CCDC80: variants seen among roughly 807,000 people sequenced by gnomAD.
CCDC80 encodes the protein coiled-coil domain-containing protein 80.
A neutral mutation model predicts 78.7 loss-of-function variants in CCDC80; 49 were observed. That is an observed-to-expected ratio of 0.62 (90% CI 0.50 to 0.79). The LOEUF (loss-of-function observed/expected upper bound fraction) is 0.79. Among genes scored for constraint, CCDC80 ranks in the 30% least tolerant of loss-of-function variants. The pLI, the probability that CCDC80 is intolerant of heterozygous loss-of-function variation, is 0.00. For synonymous variants in CCDC80, 488 were observed against 447.0 expected (o/e 1.09, Z -1.16); for missense variants, 1,205 against 1,198.6 (o/e 1.01, Z -0.08).
chr3:112,602,520 A>C lies in CCDC80; in HGVS notation c.*2897T>G, dbSNP rs1461977008. Reference sequence around the variant, plus strand: ...AATGCAAAGGAAAAGTTCTTGAAGGAAATTAAAAGTGCTACTTTGTGAATG... The same window carrying C: ...AATGCAAAGGAAAAGTTCTTGAAGGCAATTAAAAGTGCTACTTTGTGAATG... On this transcript the variant is annotated 3_prime_UTR_variant, in exon 8 of 8. Coordinates refer to ENST00000206423, the MANE Select transcript of CCDC80 (RefSeq NM_199511.3). The C allele has an allele frequency of 1.3e-5, 2 of 152,242 alleles. No homozygotes were observed. Among genetic ancestry groups the C allele is most frequent in the Non-Finnish European group, 2.9e-5 (2 of 68,044 alleles). The allele number at this position is 152,242 out of a possible 1,614,324, so 9.4% of individuals were successfully genotyped here. A position where few individuals can be genotyped will look rare whatever the true frequency, so the allele number is the denominator to read the frequency against.
At chr3:112,606,555 A>G (rs1437805129) in intron 7 of CCDC80, among the ~76,000 whole-genome samples, 1 of 152,200 alleles carries the variant, frequency 6.6e-6, no homozygotes, top group Non-Finnish European at 1.5e-5. Flanking sequence ...CCTCCCAGGT[A>G]GCTGGGACTA....
intron 5 of CCDC80, among the ~76,000 whole-genome samples, chr3:112,610,704 G>A (rs938834264): frequency 3.6e-5 from 4 of 111,518 alleles, no homozygotes; most frequent in African/African-American, 2.6e-4. Context: ...ATTAATAAGC[G>A]CCAATGCTTA....
intron 5 of CCDC80, 116 bp from the exon 6 acceptor site, chr3:112,610,197 A>AG (rs1214073036): frequency 2.5e-6 from 2 of 797,142 alleles, no homozygotes; most frequent in Non-Finnish European, 4.2e-6. Context: ...AAAAAAAAAA[A>AG]GAAAAAAACA....
intron 5 of CCDC80, among the ~76,000 whole-genome samples, chr3:112,611,104 G>A (rs527691829): frequency 3.3e-5 from 5 of 151,978 alleles, no homozygotes; most frequent in East Asian, 1.9e-4. Flanking sequence ...TAGTAGAGAC[G>A]GGGTTTCACT....
At chr3:112,623,793 C>A (rs182095748) in intron 3 of CCDC80, among the ~76,000 whole-genome samples, 26 of 152,152 alleles carry the variant, frequency 1.7e-4, no homozygotes, top group Non-Finnish European at 3.8e-4. Flanking sequence ...TAGAAATGTG[C>A]CCTCTCTTCC....
intron 3 of CCDC80, among the ~76,000 whole-genome samples, chr3:112,622,440 G>C (rs1451543410): frequency 6.6e-6 from 1 of 152,180 alleles, no homozygotes; most frequent in Non-Finnish European, 1.5e-5. Flanking sequence ...CAGTATGTGT[G>C]AAGCTACATC....
Position 112,601,705 on chromosome 3 carries a change from AAAG to A in CCDC80, c.*3709_*3711del, listed in dbSNP as rs1223766257. On this transcript the variant is annotated 3_prime_UTR_variant, in exon 8 of 8. Transcript: ENST00000206423. ...AAAAAGAAAAAAAAAAAGAGAAAAA[AAAG>A]AAGCAGCAGCAACGAAAGGAGGGAG... 1 of 116,154 alleles carries A rather than the reference AAAG, an allele frequency of 8.6e-6. No individual in the cohort carries two copies. Among genetic ancestry groups the A allele is most frequent in the African/African-American group, 3.4e-5 (1 of 29,174 alleles). 7.2% of individuals were successfully genotyped at this position (116,154 alleles called of 1,614,324 possible).
At chr3:112,610,206 C>G (rs1352703541) in intron 5 of CCDC80, 125 bp from the exon 6 acceptor site, 1 of 766,434 alleles carries the variant, frequency 1.3e-6, no homozygotes, top group African/African-American at 1.7e-5. Context: ...AAGAAAAAAA[C>G]AGAGAACTGT....
At position 112,638,685 on chromosome 3, in the gene CCDC80, T is replaced by G; in HGVS notation, c.1221A>C (p.Arg407Ser). The change falls in exon 2 of 8, where the codon AGA (arginine) becomes AGC (serine). Residue 407 changes from arginine to serine, a missense_variant. Physicochemically the swap from Arg to Ser is moderately radical, Grantham distance 110. Coordinates refer to ENST00000206423, the MANE Select transcript of CCDC80 (RefSeq NM_199511.3). The part of the protein sequence containing the change: ...PTTTEVITAR[R>S]PSVSENLYPP... ...GGTAAAGATTCTCTGAAACTGAGGG[T>G]CTCCTGGCAGTGATCACCTCAGTGG... 1.2e-6 allele frequency: 2 copies of G among 1,613,610 alleles called. No homozygotes were observed. Among genetic ancestry groups the G allele is most frequent in the Non-Finnish European group, 1.7e-6 (2 of 1,179,880 alleles).
chr3:112,607,893 G>A (rs569558594), intron 6 of CCDC80, among the ~76,000 whole-genome samples: 232 of 152,350 alleles, frequency 1.5e-3, no homozygotes, highest in Non-Finnish European at 2.5e-3. Flanking sequence ...AACTTTCAGA[G>A]AAAAGACTAC....
intron 5 of CCDC80, among the ~76,000 whole-genome samples, chr3:112,613,072 C>T (rs1004011137): frequency 6.6e-6 from 1 of 151,912 alleles, no homozygotes; most frequent in Non-Finnish European, 1.5e-5. Flanking sequence ...TTGAATGTAC[C>T]CTTCACAACA....
chr3:112,606,398 T>TTTTGTTTTGTTTTG, intron 7 of CCDC80, among the ~76,000 whole-genome samples: 1 of 147,924 alleles, frequency 6.8e-6, no homozygotes, highest in Admixed American at 6.7e-5. Flanking sequence ...CAAGAGTCTT[T>TTTTGTTTTGTTTTG]TTTTGTTTTG....
chr3:112,634,264 G>T (rs1441230330), intron 2 of CCDC80, among the ~76,000 whole-genome samples: 1 of 152,114 alleles, frequency 6.6e-6, no homozygotes, highest in Admixed American at 6.5e-5. Context: ...ATACACAGAT[G>T]TCTGAAGTAA....
In CCDC80 at chr3:112,638,754, C is replaced by A. The variant is rs367571853; in HGVS notation, c.1152G>T (p.Thr384=). 1 of 1,613,668 alleles carries A rather than the reference C, an allele frequency of 6.2e-7. No homozygotes were observed. Among genetic ancestry groups the A allele is most frequent in the African/African-American group, 1.3e-5 (1 of 74,902 alleles). ...AGGGTGAGGGGGTCCAGGGCCTCTG[C>A]GTGGTGGGAAAGGCAGTGGTGGTCA... The part of the protein sequence containing the change: ...RPMTTTAFPT[T]QRPWTPSPSH... The change falls in exon 2 of 8, where the codon ACG becomes ACT. Residue 384 remains threonine, a synonymous_variant. Transcript: ENST00000206423.
In CCDC80 at chr3:112,597,411, C is replaced by T. The variant is rs997383775; in HGVS notation, c.*8006G>A. The T allele has an allele frequency of 1.3e-5, 2 of 152,170 alleles. No individual in the cohort carries two copies. The highest frequency in any genetic ancestry group is 2.4e-5 in the African/African-American group (1 of 41,428). The allele number at this position is 152,170 out of a possible 1,614,324, so 9.4% of individuals were successfully genotyped here. A position where few individuals can be genotyped will look rare whatever the true frequency, so the allele number is the denominator to read the frequency against. ...TTTTTCCTACTGCAGAGCTTCTTCA[C>T]GTTGGAATGGTGAATAGGTACACAT... is the stretch of plus-strand genomic sequence containing the variant. On this transcript the variant is annotated 3_prime_UTR_variant, in exon 8 of 8. Coordinates refer to ENST00000206423, the MANE Select transcript of CCDC80 (RefSeq NM_199511.3).
intron 5 of CCDC80, among the ~76,000 whole-genome samples, chr3:112,616,076 C>T (rs1289027553): frequency 6.6e-6 from 1 of 152,204 alleles, no homozygotes; most frequent in East Asian, 1.9e-4. Context: ...GGATTGGGAC[C>T]CCTGTCCTGT....
chr3:112,635,096 T>C (rs929517732), intron 2 of CCDC80, among the ~76,000 whole-genome samples: 1 of 152,208 alleles, frequency 6.6e-6, no homozygotes, highest in African/African-American at 2.4e-5. Flanking sequence ...CTGCAGCTCC[T>C]GTGAAGGCCT....
chr3:112,640,020 C>T (rs1936311294), intron 1 of CCDC80, 104 bp from the exon 2 acceptor site: 1 of 1,447,884 alleles, frequency 6.9e-7, no homozygotes, highest in African/African-American at 1.4e-5. Context: ...TGTATCTCAG[C>T]CAAGGGGAGG....
chr3:112,616,926 G>A, intron 4 of CCDC80, 68 bp from the exon 5 acceptor site: 1 of 1,505,610 alleles, frequency 6.6e-7, no homozygotes, highest in Non-Finnish European at 9.1e-7. Context: ...AGAGGATAGA[G>A]AACCTGTGAG....
Sources: gnomAD v4.1 joint callset for allele counts (sites outside exome capture counted in the v4.1 genomes callset) on GRCh38, gnomAD v4.1.1 for gene constraint, MANE v1.5 for transcripts, NCBI Gene and HGNC (gene_info 2026-07-23, HGNC 2026-07-21) for gene names.